MACC1: variants seen among roughly 807,000 people sequenced by gnomAD.
The protein encoded by MACC1 is MET transcriptional regulator MACC1.
Under a neutral mutation model 70.7 loss-of-function variants are expected in MACC1, and 79 were observed. The observed-to-expected ratio is 1.12, with a 90% CI of 0.93 to 1.35. MACC1 has a LOEUF of 1.35. Among genes scored for constraint, MACC1 ranks in the 40% most tolerant of loss-of-function variants. The pLI is 0.00. For synonymous variants in MACC1, 361 were observed against 347.2 expected, an observed-to-expected ratio of 1.04 and a Z score of -0.44; for missense variants, 1,106 against 978.1, an observed-to-expected ratio of 1.13 and a Z score of -1.74.
chr7:20,167,197 T>G, intron 2 of MACC1, among the ~76,000 whole-genome samples: 1 of 152,128 alleles, frequency 6.6e-6, no homozygotes, highest in Non-Finnish European at 1.5e-5. Flanking sequence ...TTTTAATTTA[T>G]TATTATTTTT....
chr7:20,202,283 T>C (rs1335091193), intron 1 of MACC1, among the ~76,000 whole-genome samples: 3 of 152,228 alleles, frequency 2.0e-5, no homozygotes, highest in Non-Finnish European at 4.4e-5. Flanking sequence ...TTATGGATTG[T>C]AAAATGGGAA....
chr7:20,136,299 C>T lies in MACC1; in HGVS notation c.*4647G>A, dbSNP rs1312239691. On this transcript the variant is annotated 3_prime_UTR_variant, in exon 7 of 7. Transcript: ENST00000400331. ...CATGCTGTACTCATTATGACAACAACAATATTTTCTATGAAATTTTCTCCT... is the reference window on the plus strand; with the variant it reads ...CATGCTGTACTCATTATGACAACAATAATATTTTCTATGAAATTTTCTCCT... 6.6e-6 allele frequency: 1 copy of T among 152,196 alleles called. No homozygotes were observed. The highest frequency in any genetic ancestry group is 2.4e-5 in the African/African-American group (1 of 41,448). The allele number at this position is 152,196 out of a possible 1,614,324, so 9.4% of individuals were successfully genotyped here. A position where few individuals can be genotyped will look rare whatever the true frequency, so the allele number is the denominator to read the frequency against.
intron 1 of MACC1, among the ~76,000 whole-genome samples, chr7:20,184,807 T>C (rs3095221): frequency 0.63 from 95,885 of 151,702 alleles, 31,808 homozygotes; most frequent in East Asian, 0.89. Flanking sequence ...AAAGAAATGA[T>C]GTAACTTTTC....
chr7:20,186,203 T>C (rs55760491), intron 1 of MACC1, among the ~76,000 whole-genome samples: 1,725 of 152,324 alleles, frequency 0.011, 32 homozygotes, highest in African/African-American at 0.04. Flanking sequence ...TAACCTCTTA[T>C]AATCTAAAAT....
At chr7:20,200,188 G>T (rs1462153025) in intron 1 of MACC1, among the ~76,000 whole-genome samples, 1 of 151,670 alleles carries the variant, frequency 6.6e-6, no homozygotes, top group East Asian at 1.9e-4. Flanking sequence ...GGAAATACAG[G>T]GGCTAACTGA....
chr7:20,177,630 T>A (rs1345881650), intron 1 of MACC1, among the ~76,000 whole-genome samples: 1 of 138,664 alleles, frequency 7.2e-6, no homozygotes, highest in Non-Finnish European at 1.5e-5. Context: ...TTGATTATTG[T>A]GCTTTACCAT....
chr7:20,172,275 C>A (rs916055615), intron 1 of MACC1, among the ~76,000 whole-genome samples: 1 of 152,212 alleles, frequency 6.6e-6, no homozygotes, highest in Non-Finnish European at 1.5e-5. Flanking sequence ...TTGCCCAGGA[C>A]TGCCCTGTTT....
At chr7:20,171,673 C>T (rs1236159235) in intron 1 of MACC1, among the ~76,000 whole-genome samples, 1 of 151,566 alleles carries the variant, frequency 6.6e-6, no homozygotes, top group Non-Finnish European at 1.5e-5. Flanking sequence ...CCTCCACCTC[C>T]CAGGTTCAAG....
intron 1 of MACC1, among the ~76,000 whole-genome samples, chr7:20,176,040 C>T (rs776133992): frequency 9.2e-5 from 14 of 151,912 alleles, no homozygotes; most frequent in Non-Finnish European, 1.9e-4. Context: ...CTGTGGTGCC[C>T]ATTTCATAGG....
chr7:20,201,742 T>C (rs1374632244), intron 1 of MACC1, among the ~76,000 whole-genome samples: 1 of 152,180 alleles, frequency 6.6e-6, no homozygotes, highest in East Asian at 1.9e-4. Context: ...GTTCACCTTG[T>C]CCCTTGTTTT....
At chr7:20,178,324 T>C (rs892262862) in intron 1 of MACC1, among the ~76,000 whole-genome samples, 2 of 152,010 alleles carry the variant, frequency 1.3e-5, no homozygotes, top group African/African-American at 4.8e-5. Context: ...ATTCAATTTA[T>C]GCCTACATTT....
chr7:20,177,671 T>C (rs1208518823), intron 1 of MACC1, among the ~76,000 whole-genome samples: 1 of 151,780 alleles, frequency 6.6e-6, no homozygotes, highest in African/African-American at 2.4e-5. Flanking sequence ...GTTTAATATA[T>C]CTGAAATCAT....
At chr7:20,184,856 T>G (rs1004744949) in intron 1 of MACC1, 2 of 152,154 alleles carry the variant, frequency 1.3e-5, no homozygotes, top group African/African-American at 4.8e-5. Context: ...GGAAGAAACG[T>G]CTTTTACAAT....
chr7:20,201,741 G>T (rs560923253), intron 1 of MACC1, among the ~76,000 whole-genome samples: 2 of 150,988 alleles, frequency 1.3e-5, no homozygotes, highest in South Asian at 4.1e-4. Context: ...AGTTCACCTT[G>T]TCCCTTGTTT....
At position 20,148,350 on chromosome 7, in the gene MACC1, AGGGCCATT is replaced by A. The variant is rs1488442634; in HGVS notation, c.2346+5835_2346+5842del. Reference sequence around the variant, plus strand: ...ACCCAGGTAACCTTGCTATAAATCTAGGGCCATTTTACTAAAGTATTGCCACAACTTTA... The same window carrying A: ...ACCCAGGTAACCTTGCTATAAATCTATTACTAAAGTATTGCCACAACTTTA... On this transcript the variant is annotated intron_variant, in intron 6 of 6. Coordinates refer to ENST00000400331, the MANE Select transcript of MACC1 (RefSeq NM_182762.4). Among the ~76,000 whole-genome samples the A allele has an allele frequency of 1.7e-4, 26 of 152,306 alleles. No individual in the cohort carries two copies. In the East Asian group the frequency reaches 4.8e-3, roughly 28 times the overall value.
intron 1 of MACC1, among the ~76,000 whole-genome samples, chr7:20,180,761 C>T (rs10268904): frequency 0.11 from 17,255 of 152,048 alleles, 1,170 homozygotes; most frequent in Non-Finnish European, 0.15. Context: ...ACAGAAAAAT[C>T]ACTTGAATCC....
intron 1 of MACC1, among the ~76,000 whole-genome samples, chr7:20,178,551 T>C (rs1782448546): frequency 6.6e-6 from 1 of 152,224 alleles, no homozygotes; most frequent in Non-Finnish European, 1.5e-5. Flanking sequence ...CTCTAAATTC[T>C]TGAGAGTCTT....
At chr7:20,209,295 G>A (rs1782961608) in intron 1 of MACC1, among the ~76,000 whole-genome samples, 1 of 152,204 alleles carries the variant, frequency 6.6e-6, no homozygotes, top group Non-Finnish European at 1.5e-5. Flanking sequence ...CACAGACAAT[G>A]CCAGCCTGTG....
rs1781761267 is a variant in MACC1, at chr7:20,139,163, A to G, written c.*1783T>C. On this transcript the variant is annotated 3_prime_UTR_variant, in exon 7 of 7. Coordinates refer to ENST00000400331, the MANE Select transcript of MACC1 (RefSeq NM_182762.4). ...CTTTGAGGCTGTGTGTTTTCTTTCT[A>G]AATTCTAGCAGCCTTAATGGCCCTA... The G allele has an allele frequency of 1.3e-5, 2 of 152,158 alleles. No individual in the cohort carries two copies. Among genetic ancestry groups the G allele is most frequent in the African/African-American group, 4.8e-5 (2 of 41,426 alleles). 9.4% of individuals were successfully genotyped at this position (152,158 alleles called of 1,614,324 possible).
Sources: gnomAD v4.1 joint callset for allele counts (sites outside exome capture counted in the v4.1 genomes callset) on GRCh38, gnomAD v4.1.1 for gene constraint, MANE v1.5 for transcripts, NCBI Gene and HGNC (gene_info 2026-07-23, HGNC 2026-07-21) for gene names.